The following GALNTL6 variants were observed in gnomAD, a reference collection of about 807,000 sequenced individuals.
GALNTL6 encodes polypeptide N-acetylgalactosaminyltransferase-like 6.
GALNTL6 carries 46 observed loss-of-function variants against 73.7 expected under a neutral mutation model. That is an observed-to-expected ratio of 0.62 (90% CI 0.49 to 0.80). The LOEUF (loss-of-function observed/expected upper bound fraction) is 0.80, where lower values mean the gene tolerates loss of function less well. GALNTL6 is among the 30% of genes least tolerant of loss of function. The pLI is 0.00. For synonymous variants in GALNTL6, 259 were observed against 263.7 expected (o/e 0.98, Z 0.17); for missense variants, 604 against 755.0 (o/e 0.80, Z 2.34).
chr4:172,884,818 A>G (rs1012981231), intron 8 of GALNTL6, among the ~76,000 whole-genome samples: 3 of 152,122 alleles, frequency 2.0e-5, no homozygotes, highest in African/African-American at 7.2e-5. Context: ...ACAAAGATCT[A>G]ATTTCATTTT....
At chr4:171,824,438 G>A (rs1231901887) in intron 2 of GALNTL6, among the ~76,000 whole-genome samples, 1 of 151,944 alleles carries the variant, frequency 6.6e-6, no homozygotes, top group African/African-American at 2.4e-5. Flanking sequence ...TCTAAAAAGA[G>A]TATAAAAAGA....
chr4:172,815,340 C>T (rs537255789), intron 7 of GALNTL6, among the ~76,000 whole-genome samples: 70 of 151,974 alleles, frequency 4.6e-4, no homozygotes, highest in African/African-American at 1.6e-3. Flanking sequence ...TTAAAACATG[C>T]GTGTGGAGAG....
At chr4:172,322,012 T>TTCC (rs1740775223) in intron 4 of GALNTL6, among the ~76,000 whole-genome samples, 1 of 152,146 alleles carries the variant, frequency 6.6e-6, no homozygotes, top group Non-Finnish European at 1.5e-5. Flanking sequence ...AACTGGTATA[T>TTCC]GACCCTCTAG....
At chr4:172,412,942 C>T (rs1348933636) in intron 5 of GALNTL6, among the ~76,000 whole-genome samples, 1 of 152,148 alleles carries the variant, frequency 6.6e-6, no homozygotes, top group East Asian at 1.9e-4. Flanking sequence ...ATTACAGCTC[C>T]AGAAATAGAG....
intron 2 of GALNTL6, among the ~76,000 whole-genome samples, chr4:172,098,323 A>T (rs1371826099): frequency 6.6e-6 from 1 of 152,060 alleles, no homozygotes; most frequent in South Asian, 2.1e-4. Flanking sequence ...TCTAGGGTTC[A>T]TTGGGTGGGA....
At chr4:172,692,819 A>G (rs946029142) in intron 5 of GALNTL6, among the ~76,000 whole-genome samples, 1 of 152,176 alleles carries the variant, frequency 6.6e-6, no homozygotes, top group Non-Finnish European at 1.5e-5. Context: ...CTAAAATTTT[A>G]TAAGTCAAGA....
chr4:172,461,989 A>G (rs1395351327), intron 5 of GALNTL6, among the ~76,000 whole-genome samples: 1 of 151,942 alleles, frequency 6.6e-6, no homozygotes, highest in Non-Finnish European at 1.5e-5. Context: ...GACTAAATAG[A>G]AAAAAAAGGC....
intron 5 of GALNTL6, among the ~76,000 whole-genome samples, chr4:172,461,452 C>T (rs77580139): frequency 6.6e-6 from 1 of 152,118 alleles, no homozygotes; most frequent in African/African-American, 2.4e-5. Flanking sequence ...GGTGAAATGT[C>T]TGGTTGGACC....
intron 2 of GALNTL6, among the ~76,000 whole-genome samples, chr4:171,903,350 AG>A (rs1378231887): frequency 1.3e-5 from 2 of 152,070 alleles, no homozygotes; most frequent in East Asian, 1.9e-4. Context: ...GGGGTCAGGG[AG>A]TTCCTTTTCC....
At chr4:172,383,190 C>G (rs182666957) in intron 5 of GALNTL6, among the ~76,000 whole-genome samples, 4 of 152,122 alleles carry the variant, frequency 2.6e-5, no homozygotes, top group African/African-American at 4.8e-5. Context: ...TTTTGGTAGA[C>G]ATTGCATTGA....
intron 5 of GALNTL6, among the ~76,000 whole-genome samples, chr4:172,549,603 A>T (rs1323496210): frequency 2.0e-5 from 3 of 147,998 alleles, no homozygotes; most frequent in Non-Finnish European, 4.5e-5. Context: ...AATGCAATTT[A>T]AAAAAAAAAA....
chr4:171,975,056 GA>G (rs1455854124), intron 2 of GALNTL6, among the ~76,000 whole-genome samples: 3 of 152,130 alleles, frequency 2.0e-5, no homozygotes, highest in Non-Finnish European at 4.4e-5. Context: ...CACCGAGTGG[GA>G]AATGCCAGCA....
intron 10 of GALNTL6, 141 bp from the exon 11 acceptor site, chr4:173,009,037 C>A (rs1396265466): frequency 6.3e-6 from 4 of 639,700 alleles, no homozygotes; most frequent in Non-Finnish European, 8.6e-6. Flanking sequence ...CCATAAATTG[C>A]ATACAAATTC....
chr4:172,441,804 A>G (rs1731847174), intron 5 of GALNTL6, among the ~76,000 whole-genome samples: 1 of 152,104 alleles, frequency 6.6e-6, no homozygotes, highest in Non-Finnish European at 1.5e-5. Flanking sequence ...ACATGAAACT[A>G]CCCCAGCAAG....
intron 2 of GALNTL6, among the ~76,000 whole-genome samples, chr4:172,007,930 G>T (rs72698919): frequency 0.018 from 2,669 of 151,798 alleles, 33 homozygotes; most frequent in East Asian, 0.072. Flanking sequence ...TCAAATACTA[G>T]TGCTTTGGAC....
intron 5 of GALNTL6, among the ~76,000 whole-genome samples, chr4:172,470,593 A>T (rs1428547378): frequency 6.6e-6 from 1 of 152,234 alleles, no homozygotes; most frequent in Non-Finnish European, 1.5e-5. Flanking sequence ...ATTTTCAATA[A>T]GTAGCACAGC....
chr4:172,524,025 T>C (rs1230171133), intron 5 of GALNTL6, among the ~76,000 whole-genome samples: 1 of 152,202 alleles, frequency 6.6e-6, no homozygotes, highest in Non-Finnish European at 1.5e-5. Flanking sequence ...GTATAAGTTC[T>C]ATGGTAATTG....
chr4:172,575,380 G>A (rs899828447), intron 5 of GALNTL6, among the ~76,000 whole-genome samples: 1 of 152,110 alleles, frequency 6.6e-6, no homozygotes, highest in African/African-American at 2.4e-5. Context: ...CATGATAAGT[G>A]CACACATTTC....
chr4:171,884,730 A>G (rs2110916878), intron 2 of GALNTL6, among the ~76,000 whole-genome samples: 1 of 152,254 alleles, frequency 6.6e-6, no homozygotes, highest in Admixed American at 6.5e-5. Flanking sequence ...CAGCTAATGT[A>G]TTTAACAATA....
Sources: gnomAD v4.1 joint callset for allele counts (sites outside exome capture counted in the v4.1 genomes callset) on GRCh38, gnomAD v4.1.1 for gene constraint, MANE v1.5 for transcripts, NCBI Gene and HGNC (gene_info 2026-07-23, HGNC 2026-07-21) for gene names.